Variants in RASSF4 observed in about 807,000 individuals in gnomAD.
RASSF4 encodes the protein Ras association domain family member 4.
Under a neutral mutation model 41.1 loss-of-function variants are expected in RASSF4, and 38 were observed. The ratio of observed to expected loss-of-function variants is 0.92; its 90% CI spans 0.71 to 1.21. RASSF4 has a LOEUF of 1.21. RASSF4 is among the 50% of genes most tolerant of loss of function. The pLI is 0.00. For missense variants in RASSF4, 414 were observed against 419.4 expected (o/e 0.99, Z 0.11); for synonymous variants, 179 against 163.4 (o/e 1.10, Z -0.73).
intron 3 of RASSF4, among the ~76,000 whole-genome samples, chr10:44,979,590 C>T (rs1238800491): frequency 6.6e-6 from 1 of 151,992 alleles, no homozygotes; most frequent in East Asian, 1.9e-4. Context: ...TCCCTAAGAG[C>T]AGATATTGGA....
intron 1 of RASSF4, among the ~76,000 whole-genome samples, chr10:44,966,739 C>A (rs954007864): frequency 2.0e-5 from 3 of 152,082 alleles, no homozygotes; most frequent in African/African-American, 7.2e-5. Context: ...ATAGTGAGGT[C>A]CTAGAAGAAA....
At chr10:44,991,759 G>A (rs1310323495) in intron 9 of RASSF4, 146 bp from the exon 10 acceptor site, 2 of 619,014 alleles carry the variant, frequency 3.2e-6, no homozygotes, top group Non-Finnish European at 5.8e-6. Flanking sequence ...CAACACAGCA[G>A]TGTGGGGGTG....
At chr10:44,964,582 C>T (rs879841045) in intron 1 of RASSF4, among the ~76,000 whole-genome samples, 3 of 152,226 alleles carry the variant, frequency 2.0e-5, no homozygotes, top group Non-Finnish European at 2.9e-5. Flanking sequence ...CGCTTTAATC[C>T]ATTTGTGTAT....
intron 4 of RASSF4, chr10:44,982,908 A>G (rs1349945653): frequency 4.3e-6 from 3 of 694,764 alleles, no homozygotes; most frequent in Admixed American, 2.1e-5. Flanking sequence ...CCTTCCTGCA[A>G]GCCACCTTGC....
At chr10:44,960,562 C>T (rs895282034) in intron 1 of RASSF4, among the ~76,000 whole-genome samples, 15 of 152,212 alleles carry the variant, frequency 9.9e-5, no homozygotes, top group African/African-American at 3.6e-4. Flanking sequence ...ACTCCGGTCC[C>T]ATCCTGCACT....
At chr10:44,978,255 TATC>T in intron 3 of RASSF4, 1 of 535,068 alleles carries the variant, frequency 1.9e-6, no homozygotes, top group East Asian at 3.3e-5. Flanking sequence ...CTTAAGATTT[TATC>T]ATTATCGTTT....
chr10:44,972,465 A>C (rs1411932371), intron 3 of RASSF4, among the ~76,000 whole-genome samples: 1 of 152,220 alleles, frequency 6.6e-6, no homozygotes, highest in Non-Finnish European at 1.5e-5. Context: ...CTGATTTTTC[A>C]GAAGAGGATA....
intron 1 of RASSF4, among the ~76,000 whole-genome samples, chr10:44,962,590 G>A (rs990374821): frequency 1.3e-5 from 2 of 152,238 alleles, no homozygotes; most frequent in Admixed American, 1.3e-4. Context: ...CAGCCCTGCA[G>A]CAGCAGGCAC....
chr10:44,978,792 C>T (rs113933051), intron 3 of RASSF4: 1 of 152,220 alleles, frequency 6.6e-6, no homozygotes, highest in Non-Finnish European at 1.5e-5. Flanking sequence ...CCGTAGCAGG[C>T]TCTTCCCTGA....
At chr10:44,991,826 C>T in intron 9 of RASSF4, 79 bp from the exon 10 acceptor site, 1 of 961,338 alleles carries the variant, frequency 1.0e-6, no homozygotes, top group Non-Finnish European at 1.6e-6. Flanking sequence ...GGATGGGCCA[C>T]TATGGAAGCC....
chr10:44,983,920 C>G lies in RASSF4; in HGVS notation c.282-102C>G, dbSNP rs1841815283. The G allele has an allele frequency of 1.9e-6, 3 of 1,543,272 alleles. No individual in the cohort carries two copies. In the South Asian group the frequency reaches 3.6e-5, roughly 19 times the overall value. ...GGCCTCACCTCAGCCTGCCTTGCTT[C>G]CCGCCTGTGTCCTACCCCAGGGGCT... On this transcript the variant is annotated intron_variant, in intron 4 of 10. Coordinates refer to ENST00000340258, the MANE Select transcript of RASSF4 (RefSeq NM_032023.4).
intron 3 of RASSF4, among the ~76,000 whole-genome samples, chr10:44,980,077 G>A (rs1474713088): frequency 2.6e-5 from 4 of 152,166 alleles, no homozygotes; most frequent in African/African-American, 7.2e-5. Context: ...GCAGGTGGGG[G>A]AGAAAGAGGA....
intron 3 of RASSF4, chr10:44,978,042 G>A (rs747179518): frequency 6.3e-7 from 1 of 1,596,836 alleles, no homozygotes; most frequent in South Asian, 1.1e-5. Flanking sequence ...ACTCTGGCGA[G>A]AGGAGGTGGC....
At chr10:44,982,987 C>T (rs1371975702) in intron 4 of RASSF4, 1 of 611,714 alleles carries the variant, frequency 1.6e-6, no homozygotes, top group Non-Finnish European at 3.1e-6. Flanking sequence ...GTCTCGCCAT[C>T]TCTTGTTCTA....
rs776575680 is a variant in RASSF4, at chr10:44,971,722, G to A, written c.63-51G>A. On this transcript the variant is annotated intron_variant, in intron 2 of 10. Transcript: ENST00000340258. Reference sequence around the variant, plus strand: ...AGGCCAGGGAAGCCAAAGGCCAGAAGCTGAGGCCCTGCCACACCCTAGGAG... The same window carrying A: ...AGGCCAGGGAAGCCAAAGGCCAGAAACTGAGGCCCTGCCACACCCTAGGAG... 3.5e-6 allele frequency: 5 copies of A among 1,438,466 alleles called. No homozygotes were observed. In the African/African-American group the frequency reaches 5.6e-5, roughly 16 times the overall value. The allele number at this position is 1,438,466 out of a possible 1,614,324, so 89.1% of individuals were successfully genotyped here.
chr10:44,964,244 T>C (rs1286628130), intron 1 of RASSF4, among the ~76,000 whole-genome samples: 1 of 152,254 alleles, frequency 6.6e-6, no homozygotes, highest in Non-Finnish European at 1.5e-5. Flanking sequence ...TAGCCATGGC[T>C]GGCATGCCGC....
rs74128121 is a variant in RASSF4 at position 44,970,309 on chromosome 10, C to T, written c.62+45C>T. The T allele has an allele frequency of 0.012, 18,451 of 1,507,374 alleles. 1,869 individuals are homozygous for T. The African/African-American group carries it at 0.22, about 18-fold the overall frequency. The allele number at this position is 1,507,374 out of a possible 1,614,324, so 93.4% of individuals were successfully genotyped here. The stretch of plus-strand genomic sequence containing the variant: ...TTGGGCGGGGGAGTCTTCACATTTG[C>T]CATCCCCCTCATCCTGGGCAGCCTT... On this transcript the variant is annotated intron_variant, in intron 2 of 10. Transcript: ENST00000340258.
intron 1 of RASSF4, among the ~76,000 whole-genome samples, chr10:44,964,184 C>A (rs945781406): frequency 6.6e-6 from 1 of 152,276 alleles, no homozygotes; most frequent in Non-Finnish European, 1.5e-5. Flanking sequence ...GGCAGAGCAG[C>A]TGCTGAAGTG....
chr10:44,986,291 G>A (rs1379926156), intron 6 of RASSF4, among the ~76,000 whole-genome samples: 1 of 152,316 alleles, frequency 6.6e-6, no homozygotes, highest in African/African-American at 2.4e-5. Flanking sequence ...TCACTAAGAG[G>A]TGTGTCTGGT....
Sources: gnomAD v4.1 joint callset for allele counts (sites outside exome capture counted in the v4.1 genomes callset) on GRCh38, gnomAD v4.1.1 for gene constraint, MANE v1.5 for transcripts, NCBI Gene and HGNC (gene_info 2026-07-23, HGNC 2026-07-21) for gene names.